AMPH: variants seen among roughly 807,000 people sequenced by gnomAD.
AMPH encodes amphiphysin (Stiff-Mann syndrome with breast cancer 128kD autoantigen).
Under a neutral mutation model 99.1 loss-of-function variants are expected in AMPH, and 49 were observed. The ratio of observed to expected loss-of-function variants is 0.49; its 90% CI spans 0.39 to 0.63. The LOEUF is 0.63. Ranked by LOEUF, AMPH falls within the 20% of genes least tolerant of loss-of-function variation. The pLI is 0.00. For synonymous variants in AMPH, 314 were observed against 317.3 expected, an observed-to-expected ratio of 0.99 and a Z score of 0.11; for missense variants, 759 against 863.4, an observed-to-expected ratio of 0.88 and a Z score of 1.52.
intron 7 of AMPH, among the ~76,000 whole-genome samples, chr7:38,473,546 T>C (rs1214733495): frequency 1.9e-5 from 2 of 104,190 alleles, no homozygotes; most frequent in East Asian, 7.3e-4. Context: ...CTACTAAAAA[T>C]ACAAAAAATT....
chr7:38,542,545 A>C (rs926566246), intron 1 of AMPH, among the ~76,000 whole-genome samples: 2 of 152,190 alleles, frequency 1.3e-5, no homozygotes, highest in Non-Finnish European at 2.9e-5. Flanking sequence ...AACATACGTG[A>C]CCACAAAAGC....
intron 1 of AMPH, among the ~76,000 whole-genome samples, chr7:38,587,353 G>T (rs930943684): frequency 6.6e-6 from 1 of 152,156 alleles, no homozygotes; most frequent in Non-Finnish European, 1.5e-5. Context: ...TCTTGACATC[G>T]ATCTAAACGT....
At chr7:38,394,932 C>A (rs1482236971) in intron 17 of AMPH, among the ~76,000 whole-genome samples, 7 of 152,174 alleles carry the variant, frequency 4.6e-5, no homozygotes, top group Non-Finnish European at 1.0e-4. Context: ...TCTCAAAACT[C>A]TCTTCAGAAA....
chr7:38,485,717 T>A (rs1788464651), intron 5 of AMPH, among the ~76,000 whole-genome samples: 1 of 151,918 alleles, frequency 6.6e-6, no homozygotes, highest in Non-Finnish European at 1.5e-5. Context: ...ATAGAAAGTA[T>A]GAAGGGTCAC....
In AMPH at chr7:38,625,196, T is replaced by C. The variant is rs1055208689; in HGVS notation, c.69+6087A>G. Among the ~76,000 whole-genome samples the C allele has an allele frequency of 2.6e-5, 4 of 152,194 alleles. No individual in the cohort carries two copies. The South Asian group carries it at 8.3e-4, about 32-fold the overall frequency. On this transcript the variant is annotated intron_variant, in intron 1 of 20. Coordinates refer to ENST00000356264, the MANE Select transcript of AMPH (RefSeq NM_001635.4). ...TGGCAAAAGAAGACCCAGGATGACATGTATGCAACAGGTCTACAGAAAAAT... is the reference window on the plus strand; with the variant it reads ...TGGCAAAAGAAGACCCAGGATGACACGTATGCAACAGGTCTACAGAAAAAT...
At chr7:38,449,695 G>A (rs1786931332) in intron 11 of AMPH, among the ~76,000 whole-genome samples, 1 of 152,224 alleles carries the variant, frequency 6.6e-6, no homozygotes, top group African/African-American at 2.4e-5. Flanking sequence ...GAAATGCACT[G>A]TGTGGTTTTT....
At chr7:38,451,467 T>C (rs1443580690) in intron 11 of AMPH, among the ~76,000 whole-genome samples, 3 of 146,200 alleles carry the variant, frequency 2.1e-5, no homozygotes. Context: ...ATCATATTTA[T>C]ATGGAATAGA....
chr7:38,418,912 C>G (rs1431789666), intron 16 of AMPH, among the ~76,000 whole-genome samples: 1 of 151,924 alleles, frequency 6.6e-6, no homozygotes, highest in Non-Finnish European at 1.5e-5. Context: ...TAACAGCAAG[C>G]CATTAAAAGC....
chr7:38,443,343 T>C (rs749778198), intron 11 of AMPH, among the ~76,000 whole-genome samples: 1 of 152,060 alleles, frequency 6.6e-6, no homozygotes, highest in South Asian at 2.1e-4. Context: ...GATTTTCAGT[T>C]CAATTCATTC....
rs147883870 is a variant in AMPH, at chr7:38,524,783, A to G, written c.150+10148T>C. Among the ~76,000 whole-genome samples, 30 of 152,346 alleles carry G rather than the reference A, an allele frequency of 2.0e-4. No homozygotes were observed. In the East Asian group the frequency reaches 5.8e-3, roughly 29 times the overall value. On this transcript the variant is annotated intron_variant, in intron 2 of 20. Transcript: ENST00000356264. ...TAAAATTGGGAACTTTTATTACAAT[A>G]TGAATTTAATCTTTTCTTGAAAATC...
At chr7:38,497,683 T>C (rs551491900) in intron 3 of AMPH, among the ~76,000 whole-genome samples, 1 of 152,330 alleles carries the variant, frequency 6.6e-6, no homozygotes, top group African/African-American at 2.4e-5. Context: ...ATACTGCAAG[T>C]ATCTAGCAGC....
rs1298780362 is a variant in AMPH, at chr7:38,486,792, T to C, written c.396+4258A>G. 5.3e-5 allele frequency among the ~76,000 whole-genome samples: 8 copies of C among 152,216 alleles called. No individual in the cohort carries two copies. In the East Asian group the frequency reaches 1.2e-3, roughly 22 times the overall value. On this transcript the variant is annotated intron_variant, in intron 5 of 20. Coordinates refer to ENST00000356264, the MANE Select transcript of AMPH (RefSeq NM_001635.4). ...TTTAACATATGAGAATCAATTAATG[T>C]GATACACCACATTAATAGAATGAAA...
At chr7:38,391,722 A>G in intron 19 of AMPH, 26 bp downstream of exon 19, 4 of 1,602,968 alleles carry the variant, frequency 2.5e-6, no homozygotes, top group Non-Finnish European at 3.4e-6. Context: ...AAAAAAGGAT[A>G]AATGAGACTT....
chr7:38,561,904 C>T (rs1255019885), intron 1 of AMPH, among the ~76,000 whole-genome samples: 3 of 150,726 alleles, frequency 2.0e-5, no homozygotes, highest in Non-Finnish European at 4.4e-5. Context: ...TCTCCTGGCA[C>T]CTTGATCTTG....
intron 2 of AMPH, among the ~76,000 whole-genome samples, chr7:38,525,848 C>A (rs927297673): frequency 5.3e-5 from 8 of 152,050 alleles, no homozygotes; most frequent in Non-Finnish European, 1.0e-4. Context: ...CTATTCACCC[C>A]CTGAAGGACA....
Position 38,452,115 on chromosome 7 carries a change from C to T in AMPH, c.1017+9168G>A, listed in dbSNP as rs533322729. On this transcript the variant is annotated intron_variant, in intron 11 of 20. Transcript: ENST00000356264. ...CCGTGATGGTGCTTGGTGGAGGAGA[C>T]AAACAAATCCATCTGAGACTGGGTA... 2.8e-4 allele frequency among the ~76,000 whole-genome samples: 42 copies of T among 152,266 alleles called. No homozygotes were observed. In the South Asian group the frequency reaches 8.5e-3, roughly 31 times the overall value.
intron 1 of AMPH, among the ~76,000 whole-genome samples, chr7:38,589,769 A>G (rs551462842): frequency 6.6e-6 from 1 of 152,308 alleles, no homozygotes; most frequent in African/African-American, 2.4e-5. Context: ...GCGTAAACAC[A>G]CCAACCTGAT....
chr7:38,592,043 A>ATT (rs57473914), intron 1 of AMPH, among the ~76,000 whole-genome samples: 42,725 of 152,102 alleles, frequency 0.28, 6,374 homozygotes, highest in Non-Finnish European at 0.34. Flanking sequence ...AGTGATAAAC[A>ATT]GTTTCTATTA....
At chr7:38,506,305 C>G (rs532603387) in intron 2 of AMPH, among the ~76,000 whole-genome samples, 1 of 152,114 alleles carries the variant, frequency 6.6e-6, no homozygotes, top group South Asian at 2.1e-4. Flanking sequence ...ATAAAAAGCC[C>G]AATAGAATTA....
Sources: gnomAD v4.1 joint callset for allele counts (sites outside exome capture counted in the v4.1 genomes callset) on GRCh38, gnomAD v4.1.1 for gene constraint, MANE v1.5 for transcripts, NCBI Gene and HGNC (gene_info 2026-07-23, HGNC 2026-07-21) for gene names.